Variants in MGAT4C observed in about 807,000 individuals in gnomAD.
MGAT4C encodes alpha-1,3-mannosyl-glycoprotein 4-beta-N-acetylglucosaminyltransferase C.
MGAT4C carries 19 observed loss-of-function variants against 40.1 expected under a neutral mutation model. That is an observed-to-expected ratio of 0.47 (90% CI 0.33 to 0.70). The LOEUF (loss-of-function observed/expected upper bound fraction) is 0.70. Ranked by LOEUF, MGAT4C falls within the 30% of genes least tolerant of loss-of-function variation. The pLI is 0.02. For synonymous variants in MGAT4C, 181 were observed against 187.1 expected, an observed-to-expected ratio of 0.97 and a Z score of 0.27; for missense variants, 491 against 563.2, an observed-to-expected ratio of 0.87 and a Z score of 1.30.
At chr12:86,322,967 A>C (rs963820908) in intron 4 of MGAT4C, among the ~76,000 whole-genome samples, 1 of 152,024 alleles carries the variant, frequency 6.6e-6, no homozygotes, top group Non-Finnish European at 1.5e-5. Context: ...ATAATTATTA[A>C]GATGTTTATA....
intron 2 of MGAT4C, among the ~76,000 whole-genome samples, chr12:86,582,318 T>C (rs4528405): frequency 0.85 from 128,578 of 151,106 alleles, 55,247 homozygotes; most frequent in South Asian, 0.96. Context: ...TACCTCCTTT[T>C]AATAATTCAA....
intron 3 of MGAT4C, among the ~76,000 whole-genome samples, chr12:86,410,109 C>T (rs1472049221): frequency 6.6e-6 from 1 of 152,060 alleles, no homozygotes; most frequent in Non-Finnish European, 1.5e-5. Context: ...AGGCAAAGGG[C>T]AAAATTAGAA....
chr12:86,545,574 T>C (rs2136390311), intron 2 of MGAT4C, among the ~76,000 whole-genome samples: 1 of 152,094 alleles, frequency 6.6e-6, no homozygotes, highest in African/African-American at 2.4e-5. Context: ...ACTGTTACTA[T>C]AGTGTCAGAT....
At chr12:86,562,582 AT>A (rs797010481) in intron 2 of MGAT4C, among the ~76,000 whole-genome samples, 43 of 152,012 alleles carry the variant, frequency 2.8e-4, no homozygotes, top group African/African-American at 9.9e-4. Context: ...CCCAGAGGCA[AT>A]TTCCAGGCAA....
intron 2 of MGAT4C, among the ~76,000 whole-genome samples, chr12:86,441,134 C>A (rs925977516): frequency 6.6e-6 from 1 of 151,802 alleles, no homozygotes; most frequent in Non-Finnish European, 1.5e-5. Context: ...TTCTTTGGAA[C>A]CAAGAAAGAG....
intron 2 of MGAT4C, among the ~76,000 whole-genome samples, chr12:86,550,783 C>T (rs1463794492): frequency 2.0e-5 from 3 of 152,184 alleles, no homozygotes; most frequent in Admixed American, 1.3e-4. Flanking sequence ...GTACACCCCT[C>T]CCTAGTGGGA....
intron 1 of MGAT4C, among the ~76,000 whole-genome samples, chr12:86,798,027 T>C (rs1173187318): frequency 6.6e-6 from 1 of 151,970 alleles, no homozygotes; most frequent in African/African-American, 2.4e-5. Context: ...ATCTTACCTA[T>C]AACTATCCAT....
Position 86,401,172 on chromosome 12 carries a change from T to G in MGAT4C, c.-120+33985A>C, listed in dbSNP as rs189243583. 3.7e-3 allele frequency among the ~76,000 whole-genome samples: 563 copies of G among 152,094 alleles called. 2 individuals carry two copies. The highest frequency in any genetic ancestry group is 0.012 in the African/African-American group (505 of 41,522). On this transcript the variant is annotated intron_variant, in intron 3 of 7. Transcript: ENST00000548651. Reference sequence around the variant, plus strand: ...GAACTCATGGATTTTTTTTTATTTTTGGGTGTAAAATTCAGTTCATATAAA... The same window carrying G: ...GAACTCATGGATTTTTTTTTATTTTGGGGTGTAAAATTCAGTTCATATAAA...
chr12:86,531,887 C>A (rs1291426620), intron 2 of MGAT4C, among the ~76,000 whole-genome samples: 1 of 151,612 alleles, frequency 6.6e-6, no homozygotes, highest in Non-Finnish European at 1.5e-5. Flanking sequence ...CATGAAATCC[C>A]TAGTATATTG....
intron 1 of MGAT4C, among the ~76,000 whole-genome samples, chr12:86,733,667 C>G (rs1210935542): frequency 6.6e-6 from 1 of 151,986 alleles, no homozygotes; most frequent in Non-Finnish European, 1.5e-5. Flanking sequence ...TCCCAGATGC[C>G]TCACCATCTA....
chr12:86,120,170 A>C (rs1349766070), intron 1 of MGAT4C, among the ~76,000 whole-genome samples: 1 of 151,264 alleles, frequency 6.6e-6, no homozygotes, highest in South Asian at 2.1e-4. Context: ...AAGAGAAAAA[A>C]ATATATATAT....
intron 2 of MGAT4C, among the ~76,000 whole-genome samples, chr12:86,717,353 G>A (rs960087240): frequency 6.6e-6 from 1 of 152,006 alleles, no homozygotes; most frequent in South Asian, 2.1e-4. Context: ...GAGAAAGCAA[G>A]AATTTTGTAT....
chr12:86,571,038 C>T lies in MGAT4C; in HGVS notation c.-228-135773G>A, dbSNP rs145065158. On this transcript the variant is annotated intron_variant, in intron 2 of 7. Transcript: ENST00000548651. ...CCATATTGCCCAGGCTGGTTTCGAA[C>T]TCCTGACCTCAAGTGATCCACCCAC... Among the ~76,000 whole-genome samples, 629 of 152,214 alleles carry T rather than the reference C, an allele frequency of 4.1e-3. 18 individuals are homozygous for T. Among genetic ancestry groups the T allele is most frequent in the Admixed American group, 0.03 (456 of 15,258 alleles).
intron 1 of MGAT4C, among the ~76,000 whole-genome samples, chr12:86,066,913 C>A (rs1361321135): frequency 2.0e-5 from 3 of 151,890 alleles, no homozygotes; most frequent in African/African-American, 7.3e-5. Flanking sequence ...GAACAGACAC[C>A]TCTCAAAAGA....
chr12:86,284,924 G>A (rs1050499184), intron 4 of MGAT4C, among the ~76,000 whole-genome samples: 1 of 151,890 alleles, frequency 6.6e-6, no homozygotes, highest in Non-Finnish European at 1.5e-5. Flanking sequence ...TCATCCTTAT[G>A]TAATAGTATT....
intron 3 of MGAT4C, among the ~76,000 whole-genome samples, chr12:86,427,431 A>G (rs963397231): frequency 1.3e-5 from 2 of 152,012 alleles, no homozygotes; most frequent in Non-Finnish European, 2.9e-5. Context: ...GGAAAAGTTA[A>G]TAATATCATG....
intron 1 of MGAT4C, among the ~76,000 whole-genome samples, chr12:86,107,592 C>T (rs1876433956): frequency 6.6e-6 from 1 of 152,058 alleles, no homozygotes; most frequent in East Asian, 1.9e-4. Context: ...TGTAACTAGT[C>T]CCTCCGTTAA....
chr12:86,437,954 C>T (rs984167401), intron 2 of MGAT4C, among the ~76,000 whole-genome samples: 2 of 151,786 alleles, frequency 1.3e-5, no homozygotes, highest in African/African-American at 4.8e-5. Flanking sequence ...TTTAGCTGAT[C>T]GATAGCCCTA....
intron 2 of MGAT4C, among the ~76,000 whole-genome samples, chr12:86,664,361 G>A (rs897961302): frequency 1.3e-5 from 2 of 151,308 alleles, no homozygotes; most frequent in Admixed American, 1.3e-4. Context: ...AAATTTGAAA[G>A]CTCAAAAAAA....
Sources: gnomAD v4.1 joint callset for allele counts (sites outside exome capture counted in the v4.1 genomes callset) on GRCh38, gnomAD v4.1.1 for gene constraint, MANE v1.5 for transcripts, NCBI Gene and HGNC (gene_info 2026-07-23, HGNC 2026-07-21) for gene names.